Variants in ASH1L observed in about 807,000 individuals in gnomAD.
The protein encoded by ASH1L is histone-lysine N-methyltransferase ASH1L.
In ASH1L, 23 loss-of-function variants were observed where a neutral mutation model predicts 269.0. That is an observed-to-expected ratio of 0.09 (90% CI 0.06 to 0.12). The LOEUF is 0.12. Among genes scored for constraint, ASH1L ranks in the 10% least tolerant of loss-of-function variants. The pLI is 1.00. For missense variants in ASH1L, 2,912 were observed against 3,567.8 expected (o/e 0.82, Z 4.68); for synonymous variants, 1,187 against 1,253.5 (o/e 0.95, Z 1.12).
At chr1:155,559,447 G>C (rs1452970745) in intron 1 of ASH1L, among the ~76,000 whole-genome samples, 1 of 150,048 alleles carries the variant, frequency 6.7e-6, no homozygotes, top group Admixed American at 6.7e-5. Flanking sequence ...AGGCAGGAGA[G>C]TCACTTGAAC....
Position 155,370,591 on chromosome 1 carries a change from C to A in ASH1L, c.6599G>T (p.Ser2200Ile). The A allele has an allele frequency of 6.2e-7, 1 of 1,614,188 alleles. No homozygotes were observed. Among genetic ancestry groups the A allele is most frequent in the Non-Finnish European group, 8.5e-7 (1 of 1,180,026 alleles). Residue 2200 changes from serine (S) to isoleucine (I), a missense_variant, in exon 12 of 28, where the codon AGT (serine) becomes ATT (isoleucine). Ser to Ile is a moderately radical substitution (Grantham distance 142, BLOSUM62 -2). Around this residue, in one of 13 missense-constraint regions of ASH1L, gnomAD observed 193 missense variants for 311.6 expected, o/e 0.62. Transcript: ENST00000392403. Reference sequence around the variant, plus strand: ...GCGGTAACTGTCAATCACCATCCCACTATCCAGGTTCAGGCAGTAGTGGTC... The same window carrying A: ...GCGGTAACTGTCAATCACCATCCCAATATCCAGGTTCAGGCAGTAGTGGTC... ...HSDHYCLNLDSGMVIDSYRMG... is the reference protein window; with the variant it reads ...HSDHYCLNLDIGMVIDSYRMG...
At chr1:155,369,918 C>T (rs903817151) in intron 12 of ASH1L, among the ~76,000 whole-genome samples, 3 of 152,122 alleles carry the variant, frequency 2.0e-5, no homozygotes, top group Non-Finnish European at 2.9e-5. Context: ...TATAGGTGCA[C>T]GCTACCATGA....
intron 1 of ASH1L, among the ~76,000 whole-genome samples, chr1:155,535,648 A>T (rs1010776104): frequency 7.7e-6 from 1 of 130,268 alleles, no homozygotes; most frequent in African/African-American, 3.1e-5. Flanking sequence ...CCCATCTCTT[A>T]AAAAAAAAAA....
upstream of ASH1L, chr1:155,563,200 G>A: frequency 2.2e-6 from 1 of 456,688 alleles, no homozygotes; most frequent in Non-Finnish European, 4.4e-6. Context: ...AGGCCGCGGC[G>A]GCTGCGCGTT....
chr1:155,416,707 T>C (rs889307744), intron 5 of ASH1L, among the ~76,000 whole-genome samples: 11 of 151,710 alleles, frequency 7.3e-5, no homozygotes, highest in African/African-American at 2.7e-4. Flanking sequence ...GGATAATTTT[T>C]GTATTTTTAG....
At chr1:155,401,906 T>A (rs1255981976) in intron 6 of ASH1L, among the ~76,000 whole-genome samples, 1 of 152,046 alleles carries the variant, frequency 6.6e-6, no homozygotes, top group South Asian at 2.1e-4. Context: ...CTGGCCAACA[T>A]GGTGAAACCC....
chr1:155,392,290 C>T (rs1657993943), intron 7 of ASH1L, among the ~76,000 whole-genome samples: 1 of 152,108 alleles, frequency 6.6e-6, no homozygotes, highest in Non-Finnish European at 1.5e-5. Context: ...CAGTAAGATT[C>T]AAGGTTTCTA....
At chr1:155,502,812 T>A (rs1667598909) in intron 2 of ASH1L, among the ~76,000 whole-genome samples, 1 of 152,200 alleles carries the variant, frequency 6.6e-6, no homozygotes, top group African/African-American at 2.4e-5. Flanking sequence ...TTTAGAAATT[T>A]AGTGATTAAA....
At chr1:155,545,980 A>G (rs1439478639) in intron 1 of ASH1L, among the ~76,000 whole-genome samples, 1 of 152,056 alleles carries the variant, frequency 6.6e-6, no homozygotes, top group Non-Finnish European at 1.5e-5. Flanking sequence ...AATGTGGTGA[A>G]ACCCCATCTC....
chr1:155,352,677 A>C, intron 17 of ASH1L, 29 bp downstream of exon 17: 1 of 1,553,696 alleles, frequency 6.4e-7, no homozygotes, highest in East Asian at 2.3e-5. Context: ...AAAGAAAAAA[A>C]GAACGAATTT....
At chr1:155,486,184 T>C (rs868816796) in intron 2 of ASH1L, among the ~76,000 whole-genome samples, 1 of 152,138 alleles carries the variant, frequency 6.6e-6, no homozygotes, top group African/African-American at 2.4e-5. Flanking sequence ...TTTGTAAATA[T>C]CCCTCTTTAC....
At chr1:155,547,775 A>G (rs1296488401) in intron 1 of ASH1L, among the ~76,000 whole-genome samples, 1 of 151,944 alleles carries the variant, frequency 6.6e-6, no homozygotes, top group Non-Finnish European at 1.5e-5. Context: ...GATTGAGACC[A>G]TCCTGGCTAA....
intron 6 of ASH1L, among the ~76,000 whole-genome samples, chr1:155,409,885 G>A (rs1294910067): frequency 6.6e-6 from 1 of 152,030 alleles, no homozygotes; most frequent in East Asian, 1.9e-4. Flanking sequence ...GTCGATCTTG[G>A]CCAGGCGTGG....
At chr1:155,494,614 C>T (rs901292294) in intron 2 of ASH1L, among the ~76,000 whole-genome samples, 9 of 152,074 alleles carry the variant, frequency 5.9e-5, no homozygotes, top group Admixed American at 5.9e-4. Context: ...GGTTATGCTG[C>T]GATGATCAGC....
At chr1:155,525,675 T>C (rs1669203039) in intron 1 of ASH1L, among the ~76,000 whole-genome samples, 1 of 152,128 alleles carries the variant, frequency 6.6e-6, no homozygotes, top group Non-Finnish European at 1.5e-5. Context: ...TTCTCAGACC[T>C]ATATTTAAGC....
At chr1:155,533,596 C>G (rs906599019) in intron 1 of ASH1L, among the ~76,000 whole-genome samples, 2 of 151,782 alleles carry the variant, frequency 1.3e-5, no homozygotes, top group African/African-American at 4.8e-5. Flanking sequence ...CACCTGTAGT[C>G]CTAGCTACTC....
chr1:155,533,218 A>C (rs1185315498), intron 1 of ASH1L, among the ~76,000 whole-genome samples: 1 of 152,102 alleles, frequency 6.6e-6, no homozygotes, highest in Non-Finnish European at 1.5e-5. Context: ...AAAGTAATAA[A>C]ATACTTACTG....
intron 2 of ASH1L, among the ~76,000 whole-genome samples, chr1:155,501,489 T>G (rs982801023): frequency 6.6e-6 from 1 of 151,888 alleles, no homozygotes; most frequent in African/African-American, 2.4e-5. Context: ...TCGTACTCCA[T>G]CCCTCCAAGT....
chr1:155,374,818 CTTCTT>C (rs1263112536), intron 10 of ASH1L, among the ~76,000 whole-genome samples: 2 of 151,852 alleles, frequency 1.3e-5, no homozygotes, highest in Admixed American at 6.6e-5. Flanking sequence ...CCTATATTTT[CTTCTT>C]TTCTTTTTTT....
Sources: gnomAD v4.1 joint callset for allele counts (sites outside exome capture counted in the v4.1 genomes callset) on GRCh38, gnomAD v4.1.1 for gene constraint, gnomAD v4.1.1 regional missense constraint, MANE v1.5 for transcripts, NCBI Gene and HGNC (gene_info 2026-07-23, HGNC 2026-07-21) for gene names.